Variants in SDK1 observed in about 807,000 individuals in gnomAD.
SDK1 encodes the protein protein sidekick-1.
In SDK1, 157 loss-of-function variants were observed where a neutral mutation model predicts 245.5. The observed-to-expected ratio is 0.64, with a 90% CI of 0.56 to 0.73. The LOEUF (loss-of-function observed/expected upper bound fraction) is 0.73, where lower values mean the gene tolerates loss of function less well. SDK1 is among the 30% of genes least tolerant of loss of function. The pLI is 0.00. For synonymous variants in SDK1, 1,647 were observed against 1,278.5 expected (o/e 1.29, Z -6.15); for missense variants, 3,583 against 3,002.3 (o/e 1.19, Z -4.52).
Position 4,079,516 on chromosome 7 carries a change from G to A in SDK1, c.3256G>A (p.Ala1086Thr), listed in dbSNP as rs549511826. 1.1e-4 allele frequency: 180 copies of A among 1,614,128 alleles called. No homozygotes were observed. In the South Asian group the frequency reaches 1.8e-3, roughly 16 times the overall value. Residue 1086 changes from alanine (A) to threonine (T), a missense_variant, in exon 22 of 45, where the codon GCC becomes ACC. Ala to Thr is a moderately conservative substitution (Grantham distance 58). Coordinates refer to ENST00000404826, the MANE Select transcript of SDK1 (RefSeq NM_152744.4). The stretch of plus-strand genomic sequence containing the variant: ...CATTTCCAACATCAGCCCTCGCTCC[G>A]CCACCCTTCAGTTCCGGCCAGGCTA... Reference protein sequence around the residue: ...LVISNISPRSATLQFRPGYDG... With the variant: ...LVISNISPRSTTLQFRPGYDG...
intron 4 of SDK1, among the ~76,000 whole-genome samples, chr7:3,730,819 C>T (rs1263600541): frequency 6.6e-6 from 1 of 152,138 alleles, no homozygotes; most frequent in African/African-American, 2.4e-5. Flanking sequence ...CTCTCTTTGG[C>T]AGCTGTGCCT....
chr7:3,895,456 A>G (rs757857893), intron 5 of SDK1, among the ~76,000 whole-genome samples: 11 of 152,204 alleles, frequency 7.2e-5, no homozygotes, highest in Non-Finnish European at 1.0e-4. Context: ...GTTTAGAATA[A>G]AAAGGGGGAA....
chr7:4,224,560 C>G (rs139559390), intron 40 of SDK1, among the ~76,000 whole-genome samples: 281 of 152,318 alleles, frequency 1.8e-3, no homozygotes, highest in Admixed American at 3.1e-3. Context: ...GACGATAATT[C>G]AACCTGAGAT....
Position 4,265,047 on chromosome 7 carries a change from C to T in SDK1, c.6382-77C>T, listed in dbSNP as rs1355098692. The stretch of plus-strand genomic sequence containing the variant: ...CACGCCCCTGGGGAGGTGCCCCCAC[C>T]GCCAGGCCTCCTGCCCAGCACGCTC... On this transcript the variant is annotated intron_variant, in intron 44 of 44. Transcript: ENST00000404826. 6.3e-5 allele frequency: 97 copies of T among 1,545,552 alleles called. No homozygotes were observed. In the South Asian group the frequency reaches 1.0e-3, roughly 16 times the overall value.
intron 4 of SDK1, among the ~76,000 whole-genome samples, chr7:3,651,129 A>AT (rs1783000811): frequency 6.9e-4 from 40 of 57,682 alleles, no homozygotes; most frequent in Admixed American, 5.2e-3. Flanking sequence ...GTTTAGTTTT[A>AT]GTTTTTTTTT....
intron 1 of SDK1, among the ~76,000 whole-genome samples, chr7:3,584,874 C>T (rs1175908397): frequency 6.6e-6 from 1 of 152,028 alleles, no homozygotes; most frequent in African/African-American, 2.4e-5. Context: ...CAGGTGCCTG[C>T]CATCACACCT....
intron 4 of SDK1, among the ~76,000 whole-genome samples, chr7:3,659,474 C>T (rs373947233): frequency 6.6e-6 from 1 of 152,116 alleles, no homozygotes; most frequent in Non-Finnish European, 1.5e-5. Context: ...TGGACATCTG[C>T]GTTTAGTGTT....
chr7:3,367,628 C>T (rs1477128713), intron 1 of SDK1, among the ~76,000 whole-genome samples: 1 of 152,144 alleles, frequency 6.6e-6, no homozygotes, highest in Non-Finnish European at 1.5e-5. Context: ...AGTCTGTGGA[C>T]AGATTTGCTC....
chr7:3,528,524 G>A (rs533794760), intron 1 of SDK1, among the ~76,000 whole-genome samples: 2 of 152,134 alleles, frequency 1.3e-5, no homozygotes, highest in Non-Finnish European at 2.9e-5. Context: ...CTGTAAGCGT[G>A]TTTGCATTTA....
At chr7:3,597,469 G>A (rs1781103754) in intron 1 of SDK1, among the ~76,000 whole-genome samples, 1 of 152,104 alleles carries the variant, frequency 6.6e-6, no homozygotes, top group South Asian at 2.1e-4. Context: ...GATAGAAACA[G>A]GACACAGAAC....
intron 4 of SDK1, among the ~76,000 whole-genome samples, chr7:3,678,500 A>T (rs556047943): frequency 7.9e-4 from 121 of 152,350 alleles, no homozygotes; most frequent in African/African-American, 2.7e-3. Context: ...CTAATCATTC[A>T]CTATGCTAAG....
At chr7:3,820,656 T>G (rs1267003178) in intron 4 of SDK1, among the ~76,000 whole-genome samples, 1 of 152,226 alleles carries the variant, frequency 6.6e-6, no homozygotes, top group Non-Finnish European at 1.5e-5. Context: ...GGATGAGTAT[T>G]AATCTGCCTG....
chr7:3,650,371 T>A (rs933078640), intron 4 of SDK1, among the ~76,000 whole-genome samples: 1 of 152,190 alleles, frequency 6.6e-6, no homozygotes, highest in Non-Finnish European at 1.5e-5. Flanking sequence ...CTCCTTCCCC[T>A]AGTCCCTGGA....
chr7:3,958,963 C>T lies in SDK1; in HGVS notation c.1183C>T (p.Arg395Trp), dbSNP rs754212288. The change falls in exon 8 of 45, where the codon CGG becomes TGG. Residue 395 changes from arginine (R) to tryptophan (W), a missense_variant. Coordinates refer to ENST00000404826, the MANE Select transcript of SDK1 (RefSeq NM_152744.4). The part of the protein sequence containing the change: ...PPYFTAEPES[R>W]ISAEVEETVD... ...ATATTTTACTGCTGAGCCCGAGAGT[C>T]GGATTTCAGCTGAAGTAGAAGAAAC... 1.3e-5 allele frequency: 21 copies of T among 1,613,794 alleles called. No individual in the cohort carries two copies. The highest frequency in any genetic ancestry group is 5.0e-5 in the Admixed American group (3 of 59,974).
chr7:4,182,660 C>T (rs1347171425), intron 35 of SDK1, among the ~76,000 whole-genome samples: 1 of 152,228 alleles, frequency 6.6e-6, no homozygotes, highest in African/African-American at 2.4e-5. Context: ...GTCCCTGTAA[C>T]AGCAGATAAC....
Position 4,113,526 on chromosome 7 carries a change from A to C in SDK1, c.3585+87A>C, listed in dbSNP as rs1783490661. The C allele has an allele frequency of 6.2e-5, 91 of 1,460,038 alleles. No homozygotes were observed. In the South Asian group the frequency reaches 1.1e-3, roughly 18 times the overall value. 90.4% of individuals were successfully genotyped at this position (1,460,038 alleles called of 1,614,324 possible). On this transcript the variant is annotated intron_variant, in intron 24 of 44. Transcript: ENST00000404826. ...CTAATCCAGGGCTTAGGAGTTTCTT[A>C]GTCACGCCTTTGTCCTAGTCAAAAC...
rs190811329 is a variant in SDK1 at position 3,823,221 on chromosome 7, T to G, written c.847+1638T>G. 3.9e-5 allele frequency among the ~76,000 whole-genome samples: 6 copies of G among 152,318 alleles called. No individual in the cohort carries two copies. In the East Asian group the frequency reaches 1.2e-3, roughly 29 times the overall value. Reference sequence around the variant, plus strand: ...TTTTTCCAAGGGTTATGATAAAGAATGGAAATTGTATTATCAAATAGATTG... The same window carrying G: ...TTTTTCCAAGGGTTATGATAAAGAAGGGAAATTGTATTATCAAATAGATTG... On this transcript the variant is annotated intron_variant, in intron 5 of 44. Coordinates refer to ENST00000404826, the MANE Select transcript of SDK1 (RefSeq NM_152744.4).
At chr7:4,166,956 C>G (rs1424046755) in intron 32 of SDK1, among the ~76,000 whole-genome samples, 1 of 152,166 alleles carries the variant, frequency 6.6e-6, no homozygotes, top group East Asian at 1.9e-4. Flanking sequence ...CCTGCAGGTC[C>G]TGCCTCCTCC....
chr7:3,740,719 T>TATTCTTAACAA (rs1367317828), intron 4 of SDK1, among the ~76,000 whole-genome samples: 11 of 152,234 alleles, frequency 7.2e-5, no homozygotes, highest in African/African-American at 2.4e-4. Flanking sequence ...ATAGTTTGCT[T>TATTCTTAACAA]ATTCTTAACA....
Sources: allele counts gnomAD v4.1 joint callset (sites outside exome capture counted in the v4.1 genomes callset), GRCh38; gene constraint gnomAD v4.1.1; transcripts MANE v1.5; gene names NCBI Gene and HGNC (gene_info 2026-07-23, HGNC 2026-07-21).